ANTXRL: variants seen among roughly 807,000 people sequenced by gnomAD.
ANTXRL encodes ANTXR like.
ANTXRL carries 63 observed loss-of-function variants against 75.4 expected under a neutral mutation model. That is an observed-to-expected ratio of 0.84 (90% CI 0.68 to 1.03). The LOEUF (loss-of-function observed/expected upper bound fraction) is 1.03, where lower values mean the gene tolerates loss of function less well. Among genes scored for constraint, ANTXRL ranks in the 50% least tolerant of loss-of-function variants. The pLI is 0.00. For missense variants in ANTXRL, 797 were observed against 789.4 expected (o/e 1.01, Z -0.12); for synonymous variants, 335 against 291.3 (o/e 1.15, Z -1.53).
chr10:46,291,700 C>T (rs572651827), intron 1 of ANTXRL, among the ~76,000 whole-genome samples: 1 of 151,976 alleles, frequency 6.6e-6, no homozygotes, highest in Non-Finnish European at 1.5e-5. Flanking sequence ...GGTTGATTTT[C>T]TATATTTGGA....
At chr10:46,304,403 A>G (rs1434955037) in intron 10 of ANTXRL, among the ~76,000 whole-genome samples, 1 of 152,118 alleles carries the variant, frequency 6.6e-6, no homozygotes, top group Admixed American at 6.5e-5. Context: ...AATGAAGATT[A>G]GGGAATTGTT....
At chr10:46,306,598 T>C (rs1315227580) in intron 10 of ANTXRL, among the ~76,000 whole-genome samples, 1 of 152,156 alleles carries the variant, frequency 6.6e-6, no homozygotes, top group African/African-American at 2.4e-5. Flanking sequence ...GAGCAGGGAC[T>C]CTGCCTGCCT....
chr10:46,293,441 T>G (rs1837152506), intron 2 of ANTXRL, among the ~76,000 whole-genome samples: 2 of 136,144 alleles, frequency 1.5e-5, no homozygotes, highest in Admixed American at 7.6e-5. Context: ...TATGGGTGCA[T>G]GTGTATGGGT....
chr10:46,293,454 A>G (rs1223893248), intron 2 of ANTXRL, among the ~76,000 whole-genome samples: 7 of 81,112 alleles, frequency 8.6e-5, no homozygotes, highest in African/African-American at 2.0e-4. Context: ...GTATGGGTGC[A>G]TGTGTGAGTG....
At chr10:46,313,650 C>T (rs1371116351) in intron 16 of ANTXRL, among the ~76,000 whole-genome samples, 2 of 152,100 alleles carry the variant, frequency 1.3e-5, no homozygotes, top group African/African-American at 4.8e-5. Flanking sequence ...TTAAGATTTT[C>T]TCTTTGTAAC....
rs187908517 is a variant in ANTXRL, at chr10:46,301,880, G to A, written c.797-842G>A. 3.7e-3 allele frequency among the ~76,000 whole-genome samples: 563 copies of A among 152,310 alleles called. 6 individuals carry two copies. The highest frequency in any genetic ancestry group is 0.012 in the African/African-American group (518 of 41,548). On this transcript the variant is annotated intron_variant, in intron 9 of 16. Transcript: ENST00000620264. ...GGAATGCGTGGGGCCTGGGCCAGGAGGCAGGGGTGGAGGCCAATGCCCTTG... is the reference window on the plus strand; with the variant it reads ...GGAATGCGTGGGGCCTGGGCCAGGAAGCAGGGGTGGAGGCCAATGCCCTTG...
In ANTXRL at chr10:46,296,027, TA is replaced by T. The variant is rs1272757789; in HGVS notation, c.407del (p.Asn136ThrfsTer40). On this transcript the variant is annotated frameshift_variant, in exon 4 of 17. Transcript: ENST00000620264. LOFTEE classifies it high-confidence loss of function. Reference sequence around the variant, plus strand: ...TTTTAAATTTTTTTCAGGAATAGAATAAAAAACGGTCTTGACCAACTTCAGA... The same window carrying T: ...TTTTAAATTTTTTTCAGGAATAGAATAAAAACGGTCTTGACCAACTTCAGA... ...VLPLTSDKNR[I>X]KNGLDQLQKI... 2.0e-6 allele frequency: 3 copies of T among 1,535,716 alleles called. No individual in the cohort carries two copies. The African/African-American group carries it at 4.1e-5, about 21-fold the overall frequency.
intron 3 of ANTXRL, 23 bp from the exon 4 acceptor site, chr10:46,295,996 C>G: frequency 6.5e-7 from 1 of 1,528,690 alleles, no homozygotes; most frequent in East Asian, 2.4e-5. Flanking sequence ...TCCAGGTCAA[C>G]CACCTTTTTA....
Position 46,287,149 on chromosome 10 carries a change from G to C in ANTXRL, c.-114G>C. Reference sequence around the variant, plus strand: ...GTGCACTGGTGAAAGGGCAGGAGGAGGGGTGTGGCCCCGGGCATAAGGGGA... The same window carrying C: ...GTGCACTGGTGAAAGGGCAGGAGGACGGGTGTGGCCCCGGGCATAAGGGGA... On this transcript the variant is annotated 5_prime_UTR_variant, in exon 1 of 17. Transcript: ENST00000620264. 7.4e-7 allele frequency: 1 copy of C among 1,348,786 alleles called. No individual in the cohort carries two copies. Among genetic ancestry groups the C allele is most frequent in the Middle Eastern group, 2.6e-4 (1 of 3,880 alleles). 83.6% of individuals were successfully genotyped at this position (1,348,786 alleles called of 1,614,324 possible).
intron 16 of ANTXRL, among the ~76,000 whole-genome samples, chr10:46,314,513 G>A (rs1838612813): frequency 6.6e-6 from 1 of 152,034 alleles, no homozygotes; most frequent in Non-Finnish European, 1.5e-5. Flanking sequence ...GGCAAGAGGT[G>A]GGAAGGTTGG....
intron 3 of ANTXRL, 46 bp from the exon 4 acceptor site, chr10:46,295,973 C>T (rs1837353423): frequency 2.0e-6 from 3 of 1,471,430 alleles, no homozygotes; most frequent in Non-Finnish European, 2.8e-6. Flanking sequence ...TGATTTTTAA[C>T]AGTCAATGTC....
intron 10 of ANTXRL, among the ~76,000 whole-genome samples, chr10:46,304,273 G>C (rs1837936743): frequency 6.6e-6 from 1 of 152,130 alleles, no homozygotes; most frequent in African/African-American, 2.4e-5. Context: ...GAACAACAGA[G>C]AGTTTCTCTC....
chr10:46,317,518 C>A (rs78779193), intron 16 of ANTXRL, among the ~76,000 whole-genome samples: 2 of 152,086 alleles, frequency 1.3e-5, no homozygotes, highest in African/African-American at 2.4e-5. Flanking sequence ...GCCATATGCC[C>A]GTGGAGGGCA....
At chr10:46,300,657 C>T (rs782359201) in intron 9 of ANTXRL, among the ~76,000 whole-genome samples, 7 of 152,054 alleles carry the variant, frequency 4.6e-5, no homozygotes, top group Admixed American at 6.6e-5. Context: ...CTTGAAGGGC[C>T]GAGCCCACCT....
chr10:46,311,529 C>T lies in ANTXRL; in HGVS notation c.1193C>T (p.Pro398Leu). Residue 398 changes from proline to leucine, a missense_variant, in exon 15 of 17, where the codon CCA becomes CTA. This residue lies in a region of ANTXRL where 479 missense variants were observed against 422.0 expected (regional missense o/e 1.14). Transcript: ENST00000620264. ...TTTTAGGAGCCAGAGCAGGAAAAAC[C>T]ACCATCACCACCACCACCGCCTCCG... Reference protein sequence around the residue: ...KPEKEPEQEKPPSPPPPPPPP... With the variant: ...KPEKEPEQEKLPSPPPPPPPP... 1 of 1,533,348 alleles carries T rather than the reference C, an allele frequency of 6.5e-7. No homozygotes were observed. The highest frequency in any genetic ancestry group is 8.7e-7 in the Non-Finnish European group (1 of 1,145,574). 95.0% of individuals were successfully genotyped at this position (1,533,348 alleles called of 1,614,324 possible).
intron 16 of ANTXRL, among the ~76,000 whole-genome samples, chr10:46,313,639 T>G (rs3013795): frequency 0.81 from 123,366 of 152,022 alleles, 50,527 homozygotes; most frequent in African/African-American, 0.96. Context: ...GGACCAAATT[T>G]TTAAGATTTT....
chr10:46,297,557 G>A (rs1256835663), intron 7 of ANTXRL, 83 bp downstream of exon 7: 37 of 1,392,448 alleles, frequency 2.7e-5, no homozygotes, highest in African/African-American at 2.6e-4. Flanking sequence ...CCCCAAGGAC[G>A]GTTGTCTAAG....
At chr10:46,296,132 C>T in intron 4 of ANTXRL, 32 bp downstream of exon 4, 1 of 1,535,076 alleles carries the variant, frequency 6.5e-7, no homozygotes, top group Non-Finnish European at 8.7e-7. Flanking sequence ...AACCCTAACC[C>T]TAACCCTAAC....
At chr10:46,306,023 AC>A (rs1346149963) in intron 10 of ANTXRL, among the ~76,000 whole-genome samples, 5 of 151,336 alleles carry the variant, frequency 3.3e-5, no homozygotes, top group African/African-American at 1.2e-4. Context: ...TAAAACCCCA[AC>A]CCCTTTCCAG....
Sources: allele counts gnomAD v4.1 joint callset (sites outside exome capture counted in the v4.1 genomes callset), GRCh38; gene constraint gnomAD v4.1.1; regional missense constraint gnomAD v4.1.1; transcripts MANE v1.5; gene names NCBI Gene and HGNC (gene_info 2026-07-23, HGNC 2026-07-21).